The following MAGI1 variants were observed in gnomAD, a reference collection of about 807,000 sequenced individuals.
The protein encoded by MAGI1 is membrane associated guanylate kinase, WW and PDZ domain containing 1.
A neutral mutation model predicts 139.9 loss-of-function variants in MAGI1; 58 were observed. The ratio of observed to expected loss-of-function variants is 0.41; its 90% CI spans 0.34 to 0.52. MAGI1 has a LOEUF of 0.52. Among genes scored for constraint, MAGI1 ranks in the 20% least tolerant of loss-of-function variants. MAGI1 has a pLI of 0.12. For missense variants in MAGI1, 1,874 were observed against 1,901.6 expected, an observed-to-expected ratio of 0.99 and a Z score of 0.27; for synonymous variants, 812 against 737.9, an observed-to-expected ratio of 1.10 and a Z score of -1.63.
At chr3:65,490,880 A>G (rs1951980941) in intron 3 of MAGI1, among the ~76,000 whole-genome samples, 1 of 147,416 alleles carries the variant, frequency 6.8e-6, no homozygotes, top group Non-Finnish European at 1.5e-5. Context: ...AAAAATTATG[A>G]GCCCTCTCAT....
intron 1 of MAGI1, among the ~76,000 whole-genome samples, chr3:65,828,082 C>A (rs1404064462): frequency 6.6e-6 from 1 of 152,212 alleles, no homozygotes; most frequent in Non-Finnish European, 1.5e-5. Context: ...TCTGCAGTGA[C>A]AAGAGCCCAT....
chr3:65,804,534 T>C lies in MAGI1; in HGVS notation c.314-182446A>G, dbSNP rs2040722361. On this transcript the variant is annotated intron_variant, in intron 1 of 22. Coordinates refer to ENST00000402939, the MANE Select transcript of MAGI1 (RefSeq NM_001033057.2). ...ATACTGATATAAATTGATATTTACG[T>C]TATTAAATCAAGTTTAGCCTAAAGC... Among the ~76,000 whole-genome samples, 3 of 152,234 alleles carry C rather than the reference T, an allele frequency of 2.0e-5. 1 individual carries two copies. Among genetic ancestry groups the C allele is most frequent in the Non-Finnish European group, 4.4e-5 (3 of 68,028 alleles).
chr3:65,630,779 T>A (rs1255359110), intron 1 of MAGI1, among the ~76,000 whole-genome samples: 1 of 152,136 alleles, frequency 6.6e-6, no homozygotes, highest in Non-Finnish European at 1.5e-5. Context: ...CTCAGTGACA[T>A]GTGCACTCAA....
intron 1 of MAGI1, among the ~76,000 whole-genome samples, chr3:65,923,398 T>G (rs1055789523): frequency 2.0e-5 from 3 of 151,936 alleles, no homozygotes; most frequent in Non-Finnish European, 4.4e-5. Flanking sequence ...GCTAACTTTT[T>G]GTATTTTTAG....
intron 13 of MAGI1, among the ~76,000 whole-genome samples, chr3:65,392,276 G>C (rs1035478579): frequency 6.6e-6 from 1 of 152,192 alleles, no homozygotes; most frequent in Non-Finnish European, 1.5e-5. Flanking sequence ...AAGGAAAATA[G>C]TGGGTAGAAC....
chr3:65,942,204 T>C (rs1480253435), intron 1 of MAGI1, among the ~76,000 whole-genome samples: 1 of 151,114 alleles, frequency 6.6e-6, no homozygotes, highest in Non-Finnish European at 1.5e-5. Context: ...ATGGCTAATA[T>C]AATACCATTT....
intron 17 of MAGI1, among the ~76,000 whole-genome samples, chr3:65,376,373 CTG>C (rs1942525049): frequency 6.6e-6 from 1 of 152,156 alleles, no homozygotes; most frequent in Non-Finnish European, 1.5e-5. Flanking sequence ...TTTTTGCCAG[CTG>C]TTGTTTAAGC....
chr3:65,657,845 C>G (rs561878912), intron 1 of MAGI1, among the ~76,000 whole-genome samples: 1 of 152,236 alleles, frequency 6.6e-6, no homozygotes, highest in Admixed American at 6.5e-5. Context: ...GAGTCTGCTA[C>G]TGAATAGCCA....
chr3:65,486,073 A>G (rs1305065446), intron 3 of MAGI1, among the ~76,000 whole-genome samples: 1 of 152,190 alleles, frequency 6.6e-6, no homozygotes, highest in Admixed American at 6.5e-5. Flanking sequence ...AGGACTCTAG[A>G]CAGTCTCGCT....
chr3:65,516,718 C>CTTTTTTT (rs71102867), intron 2 of MAGI1, among the ~76,000 whole-genome samples: 702 of 66,998 alleles, frequency 0.01, 117 homozygotes, highest in East Asian at 0.034. Context: ...CATCCCACCT[C>CTTTTTTT]TTTTTTTTTT....
At chr3:65,502,869 G>A (rs1303088935) in intron 2 of MAGI1, among the ~76,000 whole-genome samples, 1 of 152,108 alleles carries the variant, frequency 6.6e-6, no homozygotes, top group Non-Finnish European at 1.5e-5. Flanking sequence ...TGGTGCCAAG[G>A]AAAGGGCTGA....
intron 1 of MAGI1, among the ~76,000 whole-genome samples, chr3:65,783,097 A>G (rs11707674): frequency 2.0e-5 from 3 of 152,046 alleles, no homozygotes; most frequent in African/African-American, 7.2e-5. Flanking sequence ...TGAAAAGGCA[A>G]CCTACTGGGG....
intron 8 of MAGI1, among the ~76,000 whole-genome samples, chr3:65,442,297 A>T (rs1056274497): frequency 2.0e-5 from 3 of 152,050 alleles, no homozygotes; most frequent in African/African-American, 7.2e-5. Context: ...CTAGTTCTCC[A>T]TTTTCTCCTC....
intron 12 of MAGI1, among the ~76,000 whole-genome samples, chr3:65,422,813 C>T (rs1428728392): frequency 6.6e-6 from 1 of 152,054 alleles, no homozygotes; most frequent in Non-Finnish European, 1.5e-5. Context: ...GTGAGGAGGT[C>T]CTGTGGCTAC....
chr3:65,851,176 G>C (rs1363185859), intron 1 of MAGI1, among the ~76,000 whole-genome samples: 1 of 152,126 alleles, frequency 6.6e-6, no homozygotes, highest in Non-Finnish European at 1.5e-5. Flanking sequence ...CTGGTACCTA[G>C]AACTATGCCT....
intron 12 of MAGI1, among the ~76,000 whole-genome samples, chr3:65,425,122 A>C (rs1163449862): frequency 9.3e-5 from 5 of 53,646 alleles, no homozygotes; most frequent in African/African-American, 2.6e-4. Context: ...AAAAAAAAAA[A>C]AAAAAAAAAA....
intron 18 of MAGI1, among the ~76,000 whole-genome samples, chr3:65,372,656 A>G (rs1485489180): frequency 3.9e-5 from 6 of 152,218 alleles, no homozygotes; most frequent in Admixed American, 3.9e-4. Flanking sequence ...TTTTGTCTAC[A>G]CTGAAAATCT....
At chr3:65,422,083 C>T (rs1575685755) in intron 12 of MAGI1, among the ~76,000 whole-genome samples, 1 of 152,186 alleles carries the variant, frequency 6.6e-6, no homozygotes, top group Admixed American at 6.5e-5. Flanking sequence ...ATTAAAATCT[C>T]TAGAACTGTG....
At chr3:65,980,441 T>G (rs962074940) in intron 1 of MAGI1, among the ~76,000 whole-genome samples, 4 of 151,568 alleles carry the variant, frequency 2.6e-5, no homozygotes, top group Non-Finnish European at 5.9e-5. Context: ...TGCACGCCTA[T>G]AATCCCAGCT....
Sources: allele counts gnomAD v4.1 joint callset (sites outside exome capture counted in the v4.1 genomes callset), GRCh38; gene constraint gnomAD v4.1.1; transcripts MANE v1.5; gene names NCBI Gene and HGNC (gene_info 2026-07-23, HGNC 2026-07-21).